The following ZZEF1 variants were observed in gnomAD, a reference collection of about 807,000 sequenced individuals.
ZZEF1 encodes the protein zinc finger ZZ-type and EF-hand domain-containing protein 1.
ZZEF1 carries 157 observed loss-of-function variants against 342.8 expected under a neutral mutation model. That is an observed-to-expected ratio of 0.46 (90% CI 0.40 to 0.52). The LOEUF (loss-of-function observed/expected upper bound fraction) is 0.52. Ranked by LOEUF, ZZEF1 falls within the 20% of genes least tolerant of loss-of-function variation. The probability of loss-of-function intolerance (pLI) is 0.00; values close to 1 mark genes in which losing one functional copy is unlikely to be tolerated. For missense variants in ZZEF1, 3,480 were observed against 3,725.6 expected, an observed-to-expected ratio of 0.93 and a Z score of 1.72; for synonymous variants, 1,505 against 1,429.1, an observed-to-expected ratio of 1.05 and a Z score of -1.20.
At chr17:4,044,991 T>C (rs1480561660) in intron 37 of ZZEF1, among the ~76,000 whole-genome samples, 1 of 151,710 alleles carries the variant, frequency 6.6e-6, no homozygotes, top group Non-Finnish European at 1.5e-5. Context: ...CCATCTCTAC[T>C]AAAAATACAA....
intron 2 of ZZEF1, among the ~76,000 whole-genome samples, chr17:4,122,197 G>A (rs1488450429): frequency 1.3e-5 from 2 of 152,066 alleles, no homozygotes; most frequent in Non-Finnish European, 2.9e-5. Flanking sequence ...AGTGCACAGA[G>A]CAGGAAAAAC....
rs12950730 is a variant in ZZEF1, at chr17:4,090,931, C to A, written c.1914-101G>T. ...AGTGACATGTAACTTGTATCTGTAG[C>A]CTGTCAGTGAACAATCGAGAGCTGA... On this transcript the variant is annotated intron_variant, in intron 11 of 54. Transcript: ENST00000381638. 133,836 of 856,928 alleles carry A rather than the reference C, an allele frequency of 0.16. 11,476 individuals are homozygous for A. Among genetic ancestry groups the A allele is most frequent in the East Asian group, 0.23 (8,686 of 38,238 alleles). The allele number at this position is 856,928 out of a possible 1,614,324, so 53.1% of individuals were successfully genotyped here. A position where few individuals can be genotyped will look rare whatever the true frequency, so the allele number is the denominator to read the frequency against.
chr17:4,141,119 G>C (rs2058838256), intron 1 of ZZEF1, among the ~76,000 whole-genome samples: 1 of 152,102 alleles, frequency 6.6e-6, no homozygotes, highest in Non-Finnish European at 1.5e-5. Flanking sequence ...ACGTTGGCCA[G>C]GCTGGTCTTG....
rs755392040 is a variant in ZZEF1, at chr17:4,070,793, G to T, written c.3966C>A (p.Ala1322=). 2 of 1,613,988 alleles carry T rather than the reference G, an allele frequency of 1.2e-6. No homozygotes were observed. The highest frequency in any genetic ancestry group is 4.5e-5 in the East Asian group (2 of 44,860). ...KGFIQACRKQ[A]PKTDIVAGST... is the part of the protein sequence containing the mutation. Reference sequence around the variant, plus strand: ...AACCAGCAACTATATCTGTCTTTGGGGCCTGTTTTCTACATGCCTGTATGA... The same window carrying T: ...AACCAGCAACTATATCTGTCTTTGGTGCCTGTTTTCTACATGCCTGTATGA... The change falls in exon 26 of 55, where the codon GCC becomes GCA. Residue 1322 remains alanine (A), a synonymous_variant. Transcript: ENST00000381638.
At chr17:4,038,803 C>T (rs886274511) in intron 39 of ZZEF1, among the ~76,000 whole-genome samples, 4 of 143,510 alleles carry the variant, frequency 2.8e-5, no homozygotes, top group African/African-American at 5.8e-5. Context: ...AAGACTCTGT[C>T]TCAAAAAACA....
At chr17:4,116,669 C>A (rs1393931487) in intron 3 of ZZEF1, among the ~76,000 whole-genome samples, 1 of 152,156 alleles carries the variant, frequency 6.6e-6, no homozygotes, top group Non-Finnish European at 1.5e-5. Context: ...TAACAATAAG[C>A]GCGATTTCCA....
At chr17:4,066,634 C>T in intron 27 of ZZEF1, 94 bp from the exon 28 acceptor site, 1 of 993,340 alleles carries the variant, frequency 1.0e-6, no homozygotes, top group Non-Finnish European at 1.6e-6. Context: ...AGCACTGACA[C>T]CACAGAGTAC....
chr17:4,060,996 T>C (rs889182931), intron 30 of ZZEF1, among the ~76,000 whole-genome samples: 3 of 152,206 alleles, frequency 2.0e-5, no homozygotes, highest in Non-Finnish European at 2.9e-5. Context: ...AAACCCTCAG[T>C]TGACCTCACA....
At chr17:4,091,037 C>T (rs533880451) in intron 11 of ZZEF1, among the ~76,000 whole-genome samples, 2 of 152,270 alleles carry the variant, frequency 1.3e-5, no homozygotes, top group Admixed American at 6.5e-5. Context: ...TCTCTATGAA[C>T]TGGGAAATAT....
At chr17:4,109,220 G>T (rs1030235230) in intron 6 of ZZEF1, among the ~76,000 whole-genome samples, 1 of 152,116 alleles carries the variant, frequency 6.6e-6, no homozygotes, top group African/African-American at 2.4e-5. Context: ...TATAAAATGG[G>T]GTGATTTTCA....
intron 12 of ZZEF1, 113 bp from the exon 13 acceptor site, chr17:4,089,006 G>C (rs751693150): frequency 2.4e-5 from 22 of 917,244 alleles, no homozygotes; most frequent in African/African-American, 3.3e-5. Flanking sequence ...TAATTTATTA[G>C]GAAACATTAT....
chr17:4,074,174 A>G lies in ZZEF1; in HGVS notation c.3661T>C (p.Cys1221Arg). ...CGGCGCACAGACTTGAGCGCCATGC[A>G]CTGGGAAGCCAGGCGTCCCATCAGC... ...SRLMGRLASQ[C>R]MALKSVRQLG... The change falls in exon 24 of 55, where the codon TGC becomes CGC. Residue 1221 changes from cysteine to arginine, a missense_variant. Coordinates refer to ENST00000381638, the MANE Select transcript of ZZEF1 (RefSeq NM_015113.4). 1.2e-6 allele frequency: 2 copies of G among 1,613,966 alleles called. No homozygotes were observed. The highest frequency in any genetic ancestry group is 1.7e-6 in the Non-Finnish European group (2 of 1,179,910).
At chr17:4,136,960 G>A (rs1338549223) in intron 1 of ZZEF1, among the ~76,000 whole-genome samples, 1 of 152,056 alleles carries the variant, frequency 6.6e-6, no homozygotes, top group African/African-American at 2.4e-5. Context: ...ACTGGAGTGG[G>A]CTTAGGATGG....
At chr17:4,141,853 A>T (rs142773680) in intron 1 of ZZEF1, among the ~76,000 whole-genome samples, 71 of 152,362 alleles carry the variant, frequency 4.7e-4, no homozygotes, top group Admixed American at 1.1e-3. Flanking sequence ...TCCAAGGAAA[A>T]TATTTTGTTG....
chr17:4,057,985 T>C lies in ZZEF1; in HGVS notation c.5165+9A>G. ...TTAGGAACTGCAGAGCGCAGGACCG[T>C]GCTCTTACCTGATCACACTGTCATG... On this transcript the variant is annotated intron_variant, in intron 32 of 54. Coordinates refer to ENST00000381638, the MANE Select transcript of ZZEF1 (RefSeq NM_015113.4). 6.2e-7 allele frequency: 1 copy of C among 1,613,618 alleles called. No homozygotes were observed.
chr17:4,018,872 C>T (rs947585465), intron 46 of ZZEF1, among the ~76,000 whole-genome samples: 6 of 151,782 alleles, frequency 4.0e-5, no homozygotes, highest in Admixed American at 3.3e-4. Flanking sequence ...GGGCTAGAAC[C>T]GAGAGGTGGG....
intron 8 of ZZEF1, among the ~76,000 whole-genome samples, chr17:4,103,377 T>TAAA (rs142957428): frequency 1.4e-5 from 2 of 146,300 alleles, no homozygotes; most frequent in East Asian, 4.0e-4. Flanking sequence ...AGCTCATTTC[T>TAAA]AAAAAAAAAA....
chr17:4,051,994 A>G lies in ZZEF1; in HGVS notation c.5577T>C (p.Tyr1859=), dbSNP rs763300648. 1.2e-6 allele frequency: 2 copies of G among 1,614,150 alleles called. No individual in the cohort carries two copies. Among genetic ancestry groups the G allele is most frequent in the Admixed American group, 1.7e-5 (1 of 60,034 alleles). The stretch of plus-strand genomic sequence containing the variant: ...ACCCGTAGGAGTATTTCTTCGCTGC[A>G]TAGCATCCGTAGCAAAGATCAAAGT... ...CDDFDLCYGC[Y]AAKKYSYGHL... is the part of the protein sequence containing the mutation. Residue 1859 remains tyrosine, a synonymous_variant, in exon 35 of 55, where the codon TAT becomes TAC. Transcript: ENST00000381638.
intron 36 of ZZEF1, 74 bp downstream of exon 36, chr17:4,050,707 A>T (rs954054533): frequency 3.8e-6 from 6 of 1,595,748 alleles, no homozygotes; most frequent in Non-Finnish European, 5.1e-6. Context: ...TAAGCTTAGT[A>T]TTTTACATTT....
Sources: gnomAD v4.1 joint callset for allele counts (sites outside exome capture counted in the v4.1 genomes callset) on GRCh38, gnomAD v4.1.1 for gene constraint, MANE v1.5 for transcripts, NCBI Gene and HGNC (gene_info 2026-07-23, HGNC 2026-07-21) for gene names.